The following STX3 variants were observed in gnomAD, a reference collection of about 807,000 sequenced individuals.
STX3 encodes the protein syntaxin-3.
A neutral mutation model predicts 40.2 loss-of-function variants in STX3; 19 were observed. That is an observed-to-expected ratio of 0.47 (90% CI 0.33 to 0.69). The LOEUF (loss-of-function observed/expected upper bound fraction) is 0.69. STX3 is among the 30% of genes least tolerant of loss of function. STX3 has a pLI of 0.02. For missense variants in STX3, 364 were observed against 366.7 expected, an observed-to-expected ratio of 0.99 and a Z score of 0.06; for synonymous variants, 122 against 132.2, an observed-to-expected ratio of 0.92 and a Z score of 0.53.
intron 9 of STX3, chr11:59,795,855 G>C (rs979878112): frequency 1.4e-6 from 1 of 715,342 alleles, no homozygotes; most frequent in East Asian, 2.7e-5. Context: ...TTTTCCTAGA[G>C]ACAAGCTGCC....
chr11:59,790,412 C>A (rs879524067), intron 4 of STX3, 107 bp from the exon 5 acceptor site: 1 of 846,288 alleles, frequency 1.2e-6, no homozygotes, highest in Non-Finnish European at 2.0e-6. Flanking sequence ...CTACCTGTTA[C>A]ATCTCCGTGG....
At chr11:59,791,336 A>T (rs574222621) in intron 5 of STX3, among the ~76,000 whole-genome samples, 3 of 152,316 alleles carry the variant, frequency 2.0e-5, no homozygotes, top group South Asian at 4.2e-4. Flanking sequence ...ATGTAGTGCC[A>T]CATTCTAGAG....
rs538082848 is a variant in STX3, at chr11:59,799,850, G to A, written c.*31-1005G>A. 14 of 985,352 alleles carry A rather than the reference G, an allele frequency of 1.4e-5. No homozygotes were observed. The African/African-American group carries it at 1.9e-4, about 14-fold the overall frequency. 61.0% of individuals were successfully genotyped at this position (985,352 alleles called of 1,614,324 possible). A position where few individuals can be genotyped will look rare whatever the true frequency, so the allele number is the denominator to read the frequency against. ...TCCCCTCTTTTTTCTGGCACTTGGA[G>A]TCTAGCCCTTGACTTTTTTGTATGT... On this transcript the variant is annotated intron_variant, in intron 10 of 10. Transcript: ENST00000337979.
In STX3 at chr11:59,773,980, A is replaced by AGC. The variant is rs1565171402; in HGVS notation, c.114+686_114+687insGC. On this transcript the variant is annotated intron_variant, in intron 2 of 10. Transcript: ENST00000337979. ...GTGAGACTTTGTCTCACACACACAA[A>AGC]AAAAAAAAAAAAAAAAAAAATTATA... 3.5e-4 allele frequency among the ~76,000 whole-genome samples: 38 copies of AGC among 107,922 alleles called. No homozygotes were observed. The South Asian group carries it at 0.01, about 29-fold the overall frequency. 70.8% of individuals were successfully genotyped at this position (107,922 alleles called of 152,430 possible).
chr11:59,782,408 G>A (rs1291811680), intron 2 of STX3, among the ~76,000 whole-genome samples: 1 of 152,084 alleles, frequency 6.6e-6, no homozygotes, highest in Non-Finnish European at 1.5e-5. Context: ...GTAATTGCTG[G>A]CATTTTTGTA....
chr11:59,762,704 A>G (rs1007088859), intron 1 of STX3, among the ~76,000 whole-genome samples: 93 of 123,100 alleles, frequency 7.6e-4, no homozygotes, highest in African/African-American at 2.5e-3. Context: ...GACAGGAGAC[A>G]GGGGAAGGGA....
chr11:59,776,598 T>G (rs573695741), intron 2 of STX3, among the ~76,000 whole-genome samples: 1 of 152,336 alleles, frequency 6.6e-6, no homozygotes, highest in South Asian at 2.1e-4. Flanking sequence ...AAAGCACTCT[T>G]GATAAAACTT....
intron 8 of STX3, 64 bp from the exon 9 acceptor site, chr11:59,795,308 C>A: frequency 7.5e-7 from 1 of 1,328,378 alleles, no homozygotes; most frequent in Non-Finnish European, 1.1e-6. Flanking sequence ...AGAATCCCTT[C>A]CCCGCATTGG....
chr11:59,769,761 A>C (rs964317691), intron 1 of STX3, among the ~76,000 whole-genome samples: 2 of 152,200 alleles, frequency 1.3e-5, no homozygotes, highest in African/African-American at 4.8e-5. Context: ...AATCCATCCC[A>C]TGATGGTAGC....
chr11:59,800,934 AGTGC>A lies in STX3; in HGVS notation c.*112_*115del. 6.5e-7 allele frequency: 1 copy of A among 1,536,202 alleles called. No individual in the cohort carries two copies. The highest frequency in any genetic ancestry group is 8.7e-7 in the Non-Finnish European group (1 of 1,146,858). Reference sequence around the variant, plus strand: ...AGTCTGAATGGCCTTCCTGAGAGCGAGTGCGACCCGTTCCTTTGTTTCCTTGCAA... The same window carrying A: ...AGTCTGAATGGCCTTCCTGAGAGCGAGACCCGTTCCTTTGTTTCCTTGCAA... On this transcript the variant is annotated 3_prime_UTR_variant, in exon 11 of 11. Transcript: ENST00000337979.
chr11:59,792,105 A>G lies in STX3; in HGVS notation c.358-2A>G. The G allele has an allele frequency of 6.2e-7, 1 of 1,613,260 alleles. No homozygotes were observed. Among genetic ancestry groups the G allele is most frequent in the Non-Finnish European group, 8.5e-7 (1 of 1,179,532 alleles). On this transcript the variant is annotated splice_acceptor_variant, in intron 5 of 10. Transcript: ENST00000337979. LOFTEE classifies it high-confidence loss of function. ...CTGACTGCATTTTACATCATCCCAC[A>G]GCACTCTGTCCTTTCTCGGAAGTTT...
intron 2 of STX3, among the ~76,000 whole-genome samples, chr11:59,779,432 C>T (rs910214126): frequency 1.3e-5 from 2 of 152,124 alleles, no homozygotes; most frequent in African/African-American, 4.8e-5. Flanking sequence ...TAAATGCCTT[C>T]CAAAGGTCCC....
intron 5 of STX3, among the ~76,000 whole-genome samples, chr11:59,791,387 T>C (rs1385470302): frequency 1.3e-5 from 2 of 152,196 alleles, no homozygotes; most frequent in South Asian, 2.1e-4. Context: ...TCTGATGTTA[T>C]AACTTACAGG....
At chr11:59,775,250 G>T (rs1330107984) in intron 2 of STX3, among the ~76,000 whole-genome samples, 2 of 152,194 alleles carry the variant, frequency 1.3e-5, no homozygotes, top group African/African-American at 4.8e-5. Context: ...CTCACAGGCG[G>T]GTCCATCAGA....
chr11:59,774,504 T>C (rs1863844937), intron 2 of STX3, among the ~76,000 whole-genome samples: 1 of 142,426 alleles, frequency 7.0e-6, no homozygotes, highest in Non-Finnish European at 1.5e-5. Context: ...AAAAAAACAA[T>C]AAACAACAAA....
At chr11:59,776,517 T>TC (rs542187462) in intron 2 of STX3, among the ~76,000 whole-genome samples, 46 of 152,266 alleles carry the variant, frequency 3.0e-4, no homozygotes, top group African/African-American at 1.1e-3. Context: ...TGAGAGATTG[T>TC]CCCCCTCTAT....
intron 2 of STX3, among the ~76,000 whole-genome samples, chr11:59,785,769 T>C (rs1864722185): frequency 6.6e-6 from 1 of 152,252 alleles, no homozygotes; most frequent in South Asian, 2.1e-4. Context: ...AGGATCCTAC[T>C]GTATGACATT....
intron 1 of STX3, among the ~76,000 whole-genome samples, chr11:59,772,180 G>A (rs1261344304): frequency 2.0e-5 from 3 of 152,240 alleles, no homozygotes; most frequent in African/African-American, 7.2e-5. Flanking sequence ...GATGAAGCTT[G>A]TGAAGAAGCA....
intron 2 of STX3, among the ~76,000 whole-genome samples, chr11:59,776,275 T>G (rs1206726942): frequency 6.6e-6 from 1 of 152,174 alleles, no homozygotes; most frequent in Non-Finnish European, 1.5e-5. Flanking sequence ...TAAACCCCAG[T>G]TTTCTCTAAA....
Sources: allele counts gnomAD v4.1 joint callset (sites outside exome capture counted in the v4.1 genomes callset), GRCh38; gene constraint gnomAD v4.1.1; transcripts MANE v1.5; gene names NCBI Gene and HGNC (gene_info 2026-07-23, HGNC 2026-07-21).